CACNA1S: variants seen among roughly 807,000 people sequenced by gnomAD.
CACNA1S encodes voltage-dependent L-type calcium channel subunit alpha-1S.
Under a neutral mutation model 207.4 loss-of-function variants are expected in CACNA1S, and 126 were observed. That is an observed-to-expected ratio of 0.61 (90% CI 0.53 to 0.70). The LOEUF (loss-of-function observed/expected upper bound fraction) is 0.70, where lower values mean the gene tolerates loss of function less well. Among genes scored for constraint, CACNA1S ranks in the 30% least tolerant of loss-of-function variants. The probability of loss-of-function intolerance (pLI) is 0.00; values close to 1 mark genes in which losing one functional copy is unlikely to be tolerated. For missense variants in CACNA1S, 2,349 were observed against 2,422.8 expected, an observed-to-expected ratio of 0.97 and a Z score of 0.64; for synonymous variants, 960 against 932.7, an observed-to-expected ratio of 1.03 and a Z score of -0.53.
chr1:201,051,669 C>T (rs563708921), intron 32 of CACNA1S, among the ~76,000 whole-genome samples: 6 of 152,230 alleles, frequency 3.9e-5, no homozygotes, highest in African/African-American at 1.4e-4. Flanking sequence ...CTGCTACAAC[C>T]TGCTCTGTAG....
chr1:201,060,119 T>C (rs775845661), intron 26 of CACNA1S, among the ~76,000 whole-genome samples: 3 of 152,196 alleles, frequency 2.0e-5, no homozygotes, highest in Admixed American at 6.5e-5. Flanking sequence ...GTTCTTATCA[T>C]TGGGTGTGTC....
intron 5 of CACNA1S, 42 bp from the exon 6 acceptor site, chr1:201,089,505 G>C (rs1237939909): frequency 6.3e-7 from 1 of 1,585,840 alleles, no homozygotes; most frequent in African/African-American, 1.3e-5. Context: ...AACAGTAGTA[G>C]GTGGACAACG....
intron 36 of CACNA1S, among the ~76,000 whole-genome samples, chr1:201,048,245 C>G: frequency 6.6e-6 from 1 of 152,242 alleles, no homozygotes; most frequent in East Asian, 1.9e-4. Context: ...CTCCCGTCAG[C>G]CTGCCCAGTG....
chr1:201,044,562 G>A, intron 38 of CACNA1S, 106 bp from the exon 39 acceptor site: 2 of 1,341,176 alleles, frequency 1.5e-6, no homozygotes, highest in Non-Finnish European at 2.1e-6. Flanking sequence ...CCAGGCTGGA[G>A]TGCAGTGGCA....
At chr1:201,048,957 A>T in intron 35 of CACNA1S, 46 bp downstream of exon 35, 1 of 1,454,268 alleles carries the variant, frequency 6.9e-7, no homozygotes, top group Non-Finnish European at 9.6e-7. Context: ...TGCCTCAGTG[A>T]CTCTTCCCCT....
intron 23 of CACNA1S, among the ~76,000 whole-genome samples, 178 bp from the exon 24 acceptor site, chr1:201,062,268 C>G (rs1661077441): frequency 6.6e-6 from 1 of 152,130 alleles, no homozygotes; most frequent in South Asian, 2.1e-4. Flanking sequence ...CCCTCCTAAG[C>G]CTAAAGGCTG....
chr1:201,054,542 C>A lies in CACNA1S; in HGVS notation c.3629G>T (p.Gly1210Val), dbSNP rs1373122755. 1.2e-6 allele frequency: 2 copies of A among 1,613,644 alleles called. No homozygotes were observed. The highest frequency in any genetic ancestry group is 4.5e-5 in the East Asian group (2 of 44,884). The change falls in exon 29 of 44, where the codon GGG becomes GTG. Residue 1210 changes from glycine to valine, a missense_variant. Coordinates refer to ENST00000362061, the MANE Select transcript of CACNA1S (RefSeq NM_000069.3). ...GCCTCCACCCAGGCAATACAGTCCC[C>A]CGCTGGAGGCCAGGAAAGTCTGTGG... ...SEIDTFLASS[G>V]GLYCLGGGCG...
chr1:201,091,722 G>T lies in CACNA1S; in HGVS notation c.612C>A (p.Leu204=). Residue 204 remains leucine, a synonymous_variant, in exon 5 of 44, where the codon CTC becomes CTA. Transcript: ENST00000362061. ...TGATGGCATAGATGATGACCATAAA[G>T]AGGACCAGCAGGGCGATGTGAAAGA... ...LPLFHIALLV[L]FMVIIYAIIG... 1 of 1,614,140 alleles carries T rather than the reference G, an allele frequency of 6.2e-7. No individual in the cohort carries two copies. The highest frequency in any genetic ancestry group is 8.5e-7 in the Non-Finnish European group (1 of 1,179,954).
rs982232718 is a variant in CACNA1S, at chr1:201,108,149, G to A, written c.258+2015C>T. On this transcript the variant is annotated intron_variant, in intron 2 of 43. Transcript: ENST00000362061. ...GAGACAGGGTCTCACTGTGTCACTC[G>A]GGCTGGAGTGCAGTGGCATGATCTT... Among the ~76,000 whole-genome samples the A allele has an allele frequency of 4.0e-5, 6 of 148,656 alleles. 1 individual carries two copies. The Admixed American group carries it at 4.0e-4, about 10-fold the overall frequency.
At chr1:201,081,602 A>G (rs1276200789) in intron 10 of CACNA1S, among the ~76,000 whole-genome samples, 1 of 152,218 alleles carries the variant, frequency 6.6e-6, no homozygotes, top group Non-Finnish European at 1.5e-5. Context: ...CCTAAAGTGT[A>G]AAGTCCAACA....
rs1317854283 is a variant in CACNA1S, at chr1:201,089,500, T to A, written c.695-37A>T. On this transcript the variant is annotated intron_variant, in intron 5 of 43. Transcript: ENST00000362061. Reference sequence around the variant, plus strand: ...AGGCAAAGGGAACATCAGACAACAGTAGTAGGTGGACAACGACAGGAGGAA... The same window carrying A: ...AGGCAAAGGGAACATCAGACAACAGAAGTAGGTGGACAACGACAGGAGGAA... 3 of 1,597,230 alleles carry A rather than the reference T, an allele frequency of 1.9e-6. No individual in the cohort carries two copies. The Admixed American group carries it at 5.0e-5, about 27-fold the overall frequency.
At chr1:201,102,602 G>C (rs1191513345) in intron 2 of CACNA1S, among the ~76,000 whole-genome samples, 3 of 152,200 alleles carry the variant, frequency 2.0e-5, no homozygotes, top group African/African-American at 7.2e-5. Context: ...GTGCGGAGCA[G>C]TCCATCATCA....
chr1:201,086,182 C>T (rs1352072389), intron 7 of CACNA1S, among the ~76,000 whole-genome samples: 4 of 152,180 alleles, frequency 2.6e-5, no homozygotes, highest in African/African-American at 9.7e-5. Flanking sequence ...CGCCTGGCAG[C>T]CAGGAGGGGT....
chr1:201,087,331 A>G (rs1208277481), intron 7 of CACNA1S, among the ~76,000 whole-genome samples: 1 of 152,172 alleles, frequency 6.6e-6, no homozygotes, highest in Non-Finnish European at 1.5e-5. Flanking sequence ...CACAGCCACC[A>G]AGCAGTAGTG....
intron 37 of CACNA1S, 38 bp downstream of exon 37, chr1:201,047,487 G>T: frequency 1.3e-6 from 2 of 1,541,690 alleles, no homozygotes; most frequent in South Asian, 1.1e-5. Flanking sequence ...CCATTCCTTG[G>T]CTGCTTCTGG....
intron 10 of CACNA1S, among the ~76,000 whole-genome samples, chr1:201,081,711 G>C (rs1285713512): frequency 2.0e-5 from 3 of 152,198 alleles, no homozygotes; most frequent in Non-Finnish European, 4.4e-5. Context: ...GGGCCTGGTG[G>C]GGGGTGTTTG....
intron 2 of CACNA1S, among the ~76,000 whole-genome samples, chr1:201,103,687 AG>A (rs2102181537): frequency 6.6e-6 from 1 of 152,306 alleles, no homozygotes; most frequent in Non-Finnish European, 1.5e-5. Flanking sequence ...TGTGCTCTGC[AG>A]GTCCTGGATC....
In CACNA1S at chr1:201,040,299, G is replaced by A. The variant is rs1660099630; in HGVS notation, c.5302C>T (p.His1768Tyr). ...GTATTCTCCCTGGTGCTCCTGCTGT[G>A]GGGTGTCTCCTCATGAAGAGACCCT... The part of the protein sequence containing the change: ...TPGSLHEETP[H>Y]SRSTRENTSR... The change falls in exon 43 of 44, where the codon CAC becomes TAC. Residue 1768 changes from histidine to tyrosine, a missense_variant. His to Tyr is a moderately conservative substitution (Grantham distance 83, BLOSUM62 2). Coordinates refer to ENST00000362061, the MANE Select transcript of CACNA1S (RefSeq NM_000069.3). 2 of 1,613,806 alleles carry A rather than the reference G, an allele frequency of 1.2e-6. No homozygotes were observed.
chr1:201,080,950 G>T (rs534133228), intron 10 of CACNA1S, among the ~76,000 whole-genome samples: 1 of 152,320 alleles, frequency 6.6e-6, no homozygotes, highest in South Asian at 2.1e-4. Flanking sequence ...ATGAGAGGTA[G>T]TGTATATTGG....
Sources: gnomAD v4.1 joint callset for allele counts (sites outside exome capture counted in the v4.1 genomes callset) on GRCh38, gnomAD v4.1.1 for gene constraint, MANE v1.5 for transcripts, NCBI Gene and HGNC (gene_info 2026-07-23, HGNC 2026-07-21) for gene names.